FSTL4: variants seen among roughly 807,000 people sequenced by gnomAD.
The protein encoded by FSTL4 is follistatin-related protein 4.
In FSTL4, 28 loss-of-function variants were observed where a neutral mutation model predicts 78.2. The observed-to-expected ratio is 0.36, with a 90% CI of 0.27 to 0.49. The LOEUF is 0.49. FSTL4 is among the 20% of genes least tolerant of loss of function. The pLI is 0.98. For synonymous variants in FSTL4, 422 were observed against 440.5 expected, an observed-to-expected ratio of 0.96 and a Z score of 0.53; for missense variants, 922 against 1,084.9, an observed-to-expected ratio of 0.85 and a Z score of 2.11.
At chr5:133,567,121 T>C in intron 3 of FSTL4, 65 bp downstream of exon 3, 1 of 1,168,474 alleles carries the variant, frequency 8.6e-7, no homozygotes, top group South Asian at 1.2e-5. Flanking sequence ...TCATCTTAGT[T>C]TCAGCAAACT....
intron 4 of FSTL4, among the ~76,000 whole-genome samples, chr5:133,343,835 G>GCCA (rs765555565): frequency 0.015 from 2,335 of 152,250 alleles, 23 homozygotes; most frequent in Non-Finnish European, 0.025. Context: ...GAATCTCAGT[G>GCCA]GGTGGTAATA....
the FSTL4 span, among the ~76,000 whole-genome samples, chr5:133,795,980 G>T: frequency 6.6e-6 from 1 of 152,160 alleles, no homozygotes. Flanking sequence ...AGTGTCCAAC[G>T]TCCCTGCCCT....
chr5:133,408,202 G>C (rs1042244596), intron 3 of FSTL4, among the ~76,000 whole-genome samples: 1 of 152,138 alleles, frequency 6.6e-6, no homozygotes, highest in South Asian at 2.1e-4. Context: ...GGCAGATCTA[G>C]TAAACAAGGT....
the FSTL4 span, among the ~76,000 whole-genome samples, chr5:133,816,558 A>T: frequency 1.3e-5 from 2 of 152,134 alleles, no homozygotes; most frequent in Non-Finnish European, 1.5e-5. Flanking sequence ...TGCAACTCCC[A>T]GATAACCCCC....
chr5:133,749,727 A>G, the FSTL4 span, among the ~76,000 whole-genome samples: 1 of 152,196 alleles, frequency 6.6e-6, no homozygotes, highest in Admixed American at 6.5e-5. Flanking sequence ...TGTAGCATGT[A>G]TCTGGCAGTC....
At chr5:133,615,556 C>T (rs935002272), upstream of FSTL4, among the ~76,000 whole-genome samples, 1 of 152,194 alleles carries the variant, frequency 6.6e-6, no homozygotes, top group African/African-American at 2.4e-5. Context: ...ATTTTCAGTT[C>T]TAAAGGTCTA....
intron 3 of FSTL4, among the ~76,000 whole-genome samples, chr5:133,526,946 T>C (rs700702): frequency 0.49 from 74,992 of 151,756 alleles, 18,777 homozygotes; most frequent in African/African-American, 0.55. Context: ...TCCTTTTTCC[T>C]ACCCAACAGA....
At chr5:133,728,700 T>C in the FSTL4 span, among the ~76,000 whole-genome samples, 2 of 58,840 alleles carry the variant, frequency 3.4e-5, no homozygotes, top group Non-Finnish European at 2.8e-5. Flanking sequence ...TATGAAGTGA[T>C]TGGAGACAGA....
At chr5:133,741,204 C>T in the FSTL4 span, among the ~76,000 whole-genome samples, 1 of 152,154 alleles carries the variant, frequency 6.6e-6, no homozygotes, top group Admixed American at 6.5e-5. Context: ...AAACCATATT[C>T]CCGGAAGCAG....
chr5:133,417,958 TAAAAAAAAAAAAA>T (rs527415337), intron 3 of FSTL4, among the ~76,000 whole-genome samples: 23 of 51,140 alleles, frequency 4.5e-4, no homozygotes, highest in Admixed American at 9.9e-4. Context: ...GACTCCATCT[TAAAAAAAAAAAAA>T]AAAAAAAAAA....
intron 7 of FSTL4, among the ~76,000 whole-genome samples, chr5:133,241,095 G>A (rs1751858958): frequency 6.6e-6 from 1 of 152,252 alleles, no homozygotes; most frequent in Non-Finnish European, 1.5e-5. Flanking sequence ...CACTGTGACA[G>A]TGACATGTCT....
chr5:133,823,571 C>T, the FSTL4 span, among the ~76,000 whole-genome samples: 1,842 of 152,296 alleles, frequency 0.012, 41 homozygotes, highest in African/African-American at 0.041. Flanking sequence ...GAGAATAGCT[C>T]CCAGAGAGGC....
At chr5:133,427,977 G>C (rs961531772) in intron 3 of FSTL4, among the ~76,000 whole-genome samples, 24 of 152,138 alleles carry the variant, frequency 1.6e-4, no homozygotes, top group African/African-American at 5.6e-4. Context: ...AACTCTTCTG[G>C]AGTCCCTAAT....
At chr5:133,797,100 G>A in the FSTL4 span, among the ~76,000 whole-genome samples, 1 of 152,166 alleles carries the variant, frequency 6.6e-6, no homozygotes, top group Non-Finnish European at 1.5e-5. Context: ...ACCATGGCCT[G>A]GCAAAATACA....
At chr5:133,452,514 A>C (rs73280192) in intron 3 of FSTL4, among the ~76,000 whole-genome samples, 6,407 of 152,322 alleles carry the variant, frequency 0.042, 435 homozygotes, top group African/African-American at 0.14. Context: ...ACCACCACCA[A>C]CAACAGCTAA....
the FSTL4 span, among the ~76,000 whole-genome samples, chr5:133,745,172 C>T: frequency 6.6e-6 from 1 of 152,222 alleles, no homozygotes; most frequent in African/African-American, 2.4e-5. Flanking sequence ...AGAAAGGTTT[C>T]CAGAGTGAGG....
At chr5:133,469,236 G>A (rs542730921) in intron 3 of FSTL4, among the ~76,000 whole-genome samples, 1 of 152,320 alleles carries the variant, frequency 6.6e-6, no homozygotes, top group South Asian at 2.1e-4. Context: ...CAAGGTGATA[G>A]ATTCTCCTCT....
chr5:133,522,367 AC>A (rs1758998392), intron 3 of FSTL4, among the ~76,000 whole-genome samples: 1 of 152,082 alleles, frequency 6.6e-6, no homozygotes, highest in Admixed American at 6.5e-5. Flanking sequence ...TCCTTTAACG[AC>A]CCTAGAAGAT....
intron 3 of FSTL4, among the ~76,000 whole-genome samples, chr5:133,503,066 G>T (rs189747799): frequency 6.6e-6 from 1 of 152,294 alleles, no homozygotes; most frequent in Admixed American, 6.5e-5. Context: ...AGACTGAGGA[G>T]GTTCACTGTA....
Sources: gnomAD v4.1 joint callset for allele counts (sites outside exome capture counted in the v4.1 genomes callset) on GRCh38, gnomAD v4.1.1 for gene constraint, MANE v1.5 for transcripts, NCBI Gene and HGNC (gene_info 2026-07-23, HGNC 2026-07-21) for gene names.